PPP4R4: variants seen among roughly 807,000 people sequenced by gnomAD.
The protein encoded by PPP4R4 is serine/threonine-protein phosphatase 4 regulatory subunit 4.
Under a neutral mutation model 121.8 loss-of-function variants are expected in PPP4R4, and 70 were observed. The observed-to-expected ratio is 0.57, with a 90% CI of 0.47 to 0.70. PPP4R4 has a LOEUF of 0.70. Ranked by LOEUF, PPP4R4 falls within the 30% of genes least tolerant of loss-of-function variation. The pLI, the probability that PPP4R4 is intolerant of heterozygous loss-of-function variation, is 0.00. For missense variants in PPP4R4, 875 were observed against 1,033.6 expected (o/e 0.85, Z 2.10); for synonymous variants, 348 against 355.7 (o/e 0.98, Z 0.24).
At chr14:94,271,685 A>G (rs921143282) in intron 23 of PPP4R4, among the ~76,000 whole-genome samples, 4 of 152,210 alleles carry the variant, frequency 2.6e-5, no homozygotes, top group Non-Finnish European at 5.9e-5. Context: ...TGATTTTGGA[A>G]GGAAGAACTC....
intron 1 of PPP4R4, 44 bp downstream of exon 1, chr14:94,174,626 C>T (rs1402500532): frequency 8.1e-6 from 13 of 1,600,896 alleles, no homozygotes; most frequent in Non-Finnish European, 1.0e-5. Context: ...GTCCGGCCGC[C>T]TGCCCCGCGC....
chr14:94,256,695 A>G (rs1022210826), intron 17 of PPP4R4, 91 bp downstream of exon 17: 2 of 1,214,776 alleles, frequency 1.6e-6, no homozygotes, highest in African/African-American at 1.6e-5. Context: ...GGATAGCAAT[A>G]TATTACAATA....
intron 21 of PPP4R4, 106 bp downstream of exon 21, chr14:94,265,579 C>A: frequency 9.9e-7 from 1 of 1,011,122 alleles, no homozygotes; most frequent in Non-Finnish European, 1.5e-6. Flanking sequence ...TAATATATCT[C>A]ATTCTAAAGC....
At chr14:94,202,509 G>C (rs1337126451) in intron 2 of PPP4R4, among the ~76,000 whole-genome samples, 2 of 152,184 alleles carry the variant, frequency 1.3e-5, no homozygotes, top group Admixed American at 1.3e-4. Flanking sequence ...CATTAAGTAT[G>C]ATGCTAGCTC....
intron 3 of PPP4R4, among the ~76,000 whole-genome samples, chr14:94,216,531 A>G (rs1295055850): frequency 6.6e-6 from 1 of 152,150 alleles, no homozygotes; most frequent in Non-Finnish European, 1.5e-5. Flanking sequence ...TCTTTTCCAT[A>G]CGTTTCCACT....
intron 3 of PPP4R4, among the ~76,000 whole-genome samples, chr14:94,226,252 T>A (rs1050731627): frequency 1.3e-5 from 2 of 152,192 alleles, no homozygotes; most frequent in East Asian, 3.8e-4. Flanking sequence ...TATTTTATTG[T>A]ATATTTACAA....
chr14:94,208,477 G>A lies in PPP4R4; in HGVS notation c.205G>A (p.Val69Ile). Residue 69 changes from valine to isoleucine, a missense_variant, in exon 3 of 25, where the codon GTC becomes ATC. By Grantham distance (29) the Val-to-Ile change is conservative (BLOSUM62 3). Transcript: ENST00000304338. Reference sequence around the variant, plus strand: ...TTTCTTTGTAAGTGCTGGTCAAGATGTCCAAGGAACAAGTGTGATTGCAAA... The same window carrying A: ...TTTCTTTGTAAGTGCTGGTCAAGATATCCAAGGAACAAGTGTGATTGCAAA... Reference protein sequence around the residue: ...AVYLLSAGQDVQGTSVIANLP... With the variant: ...AVYLLSAGQDIQGTSVIANLP... 1 of 1,608,960 alleles carries A rather than the reference G, an allele frequency of 6.2e-7. No homozygotes were observed. The highest frequency in any genetic ancestry group is 8.5e-7 in the Non-Finnish European group (1 of 1,176,148).
intron 3 of PPP4R4, among the ~76,000 whole-genome samples, chr14:94,210,552 C>T (rs1044342544): frequency 6.6e-6 from 1 of 152,036 alleles, no homozygotes; most frequent in African/African-American, 2.4e-5. Context: ...AATGATTTCA[C>T]TCATTTATTT....
chr14:94,217,295 C>T (rs1891074968), intron 3 of PPP4R4, among the ~76,000 whole-genome samples: 1 of 152,134 alleles, frequency 6.6e-6, no homozygotes, highest in South Asian at 2.1e-4. Context: ...TAGTGGCCCA[C>T]TATTGGAGGT....
intron 2 of PPP4R4, among the ~76,000 whole-genome samples, chr14:94,188,557 C>A (rs973806863): frequency 6.6e-6 from 1 of 151,938 alleles, no homozygotes; most frequent in African/African-American, 2.4e-5. Flanking sequence ...ATATGTCTAT[C>A]TTGCCTAATA....
At chr14:94,265,332 G>A in intron 20 of PPP4R4, 55 bp from the exon 21 acceptor site, 1 of 1,271,286 alleles carries the variant, frequency 7.9e-7, no homozygotes, top group Non-Finnish European at 1.1e-6. Flanking sequence ...TGTATTTATG[G>A]AGATTAATAA....
At chr14:94,241,252 T>A (rs1566682864) in intron 9 of PPP4R4, among the ~76,000 whole-genome samples, 1 of 152,090 alleles carries the variant, frequency 6.6e-6, no homozygotes, top group Non-Finnish European at 1.5e-5. Flanking sequence ...AGATAGACTG[T>A]TTAATAATGA....
At chr14:94,207,418 A>G (rs1243119) in intron 2 of PPP4R4, among the ~76,000 whole-genome samples, 116,049 of 151,858 alleles carry the variant, frequency 0.76, 45,191 homozygotes, top group Admixed American at 0.83. Flanking sequence ...TTTCTTCATG[A>G]CAGGGCAGCT....
chr14:94,247,212 C>G (rs1482358965), intron 14 of PPP4R4, among the ~76,000 whole-genome samples: 5 of 152,212 alleles, frequency 3.3e-5, no homozygotes, highest in Non-Finnish European at 7.3e-5. Flanking sequence ...AACATGACAT[C>G]CTATTGCAAT....
chr14:94,277,097 G>A (rs1894684482), intron 24 of PPP4R4, among the ~76,000 whole-genome samples: 1 of 152,144 alleles, frequency 6.6e-6, no homozygotes, highest in Non-Finnish European at 1.5e-5. Flanking sequence ...TCAGGAGTTT[G>A]AGACCAGCCT....
intron 7 of PPP4R4, among the ~76,000 whole-genome samples, chr14:94,237,029 T>C (rs1167469342): frequency 6.6e-6 from 1 of 152,178 alleles, no homozygotes; most frequent in East Asian, 1.9e-4. Context: ...GATTGTATTA[T>C]AAATATTGTA....
intron 3 of PPP4R4, among the ~76,000 whole-genome samples, chr14:94,216,330 AGGATAGAT>A (rs969562866): frequency 2.6e-5 from 4 of 152,258 alleles, no homozygotes; most frequent in Non-Finnish European, 5.9e-5. Flanking sequence ...AACCCCTCTT[AGGATAGAT>A]GGGACACAGG....
chr14:94,221,137 A>C (rs1891368479), intron 3 of PPP4R4, among the ~76,000 whole-genome samples: 1 of 152,174 alleles, frequency 6.6e-6, no homozygotes, highest in Non-Finnish European at 1.5e-5. Flanking sequence ...GCAATTCATT[A>C]TAGAGAGGAT....
intron 2 of PPP4R4, among the ~76,000 whole-genome samples, chr14:94,179,592 GT>G (rs1226387827): frequency 6.6e-6 from 1 of 152,104 alleles, no homozygotes; most frequent in African/African-American, 2.4e-5. Flanking sequence ...TCATCCTGGA[GT>G]ACTCTTTCAA....
Sources: allele counts gnomAD v4.1 joint callset (sites outside exome capture counted in the v4.1 genomes callset), GRCh38; gene constraint gnomAD v4.1.1; transcripts MANE v1.5; gene names NCBI Gene and HGNC (gene_info 2026-07-23, HGNC 2026-07-21).